Variants in ZNF57 observed in about 807,000 individuals in gnomAD.
ZNF57 encodes zinc finger protein 57, also known as zinc finger protein 424.
ZNF57 carries 11 observed loss-of-function variants against 13.4 expected under a neutral mutation model. The observed-to-expected ratio is 0.82, with a 90% CI of 0.52 to 1.36. The LOEUF (loss-of-function observed/expected upper bound fraction) is 1.36, where lower values mean the gene tolerates loss of function less well. ZNF57 is among the 40% of genes most tolerant of loss of function. The pLI is 0.00. For synonymous variants in ZNF57, 224 were observed against 238.5 expected, an observed-to-expected ratio of 0.94 and a Z score of 0.56; for missense variants, 696 against 667.5, an observed-to-expected ratio of 1.04 and a Z score of -0.47.
At chr19:2,916,415 A>G in intron 3 of ZNF57, 166 bp downstream of exon 3, 2 of 669,484 alleles carry the variant, frequency 3.0e-6, no homozygotes, top group Non-Finnish European at 4.7e-6. Flanking sequence ...CATAATTGTT[A>G]GAAGTAATTA....
At chr19:2,907,489 C>G (rs1293918880) in intron 1 of ZNF57, among the ~76,000 whole-genome samples, 1 of 152,132 alleles carries the variant, frequency 6.6e-6, no homozygotes, top group Non-Finnish European at 1.5e-5. Flanking sequence ...ATTATTTTTC[C>G]CCCATCCTAC....
chr19:2,908,824 C>T (rs894884527), intron 1 of ZNF57, among the ~76,000 whole-genome samples: 3 of 152,096 alleles, frequency 2.0e-5, no homozygotes, highest in African/African-American at 7.2e-5. Context: ...CCCCGGAGCC[C>T]CTCCACCACC....
Position 2,918,314 on chromosome 19 carries a change from G to C in ZNF57, c.*25G>C. The C allele has an allele frequency of 6.4e-7, 1 of 1,550,962 alleles. No homozygotes were observed. The highest frequency in any genetic ancestry group is 8.7e-7 in the Non-Finnish European group (1 of 1,150,658). On this transcript the variant is annotated 3_prime_UTR_variant, in exon 4 of 4. Coordinates refer to ENST00000306908, the MANE Select transcript of ZNF57 (RefSeq NM_173480.3). ...AAGAGAAATTCTATAACTTTAATGG[G>C]GTAACCTCACATTAATTCATGTATA...
rs553122517 is a variant in ZNF57, at chr19:2,910,298, A to C, written c.4-5224A>C. On this transcript the variant is annotated intron_variant, in intron 1 of 3. Transcript: ENST00000306908. ...ACTTGTTAAGGTGTTTTATGTCCCA[A>C]AATACAGTCTAGGTTGAGGAGTGTT... Among the ~76,000 whole-genome samples the C allele has an allele frequency of 4.2e-4, 20 of 47,462 alleles. 9 individuals carry two copies. The South Asian group carries it at 9.5e-3, about 23-fold the overall frequency. 31.1% of individuals were successfully genotyped at this position (47,462 alleles called of 152,430 possible).
At chr19:2,901,365 C>T (rs2088028477) in intron 1 of ZNF57, among the ~76,000 whole-genome samples, 1 of 151,154 alleles carries the variant, frequency 6.6e-6, no homozygotes. Flanking sequence ...CGGCAAGGGA[C>T]GGTCAGCAGG....
At chr19:2,906,647 G>T (rs1056675828) in intron 1 of ZNF57, among the ~76,000 whole-genome samples, 1 of 152,212 alleles carries the variant, frequency 6.6e-6, no homozygotes, top group Admixed American at 6.5e-5. Context: ...GGCTACCAGG[G>T]AGCGTCGTCC....
intron 1 of ZNF57, among the ~76,000 whole-genome samples, 186 bp downstream of exon 1, chr19:2,901,234 G>T (rs2088026918): frequency 6.9e-6 from 1 of 145,766 alleles, no homozygotes; most frequent in Non-Finnish European, 1.5e-5. Context: ...AGTTTGGGGG[G>T]ACGGAAGGGG....
chr19:2,903,247 T>C (rs936690603), intron 1 of ZNF57, among the ~76,000 whole-genome samples: 1 of 152,146 alleles, frequency 6.6e-6, no homozygotes, highest in African/African-American at 2.4e-5. Context: ...GGAGACACTG[T>C]GTCTCCCAGG....
chr19:2,916,441 G>A (rs754906624), intron 3 of ZNF57, 192 bp downstream of exon 3: 38 of 514,218 alleles, frequency 7.4e-5, no homozygotes, highest in Admixed American at 1.9e-4. Context: ...GGCCGGGCGC[G>A]ATGGCTCACG....
intron 1 of ZNF57, among the ~76,000 whole-genome samples, chr19:2,909,311 C>T (rs1389917847): frequency 1.1e-3 from 82 of 77,046 alleles, no homozygotes; most frequent in Non-Finnish European, 1.4e-3. Flanking sequence ...GACAGAGTCT[C>T]GCTCTGTCGC....
At chr19:2,908,408 T>G (rs116611236) in intron 1 of ZNF57, among the ~76,000 whole-genome samples, 332 of 152,098 alleles carry the variant, frequency 2.2e-3, no homozygotes, top group African/African-American at 7.7e-3. Context: ...TACTGACATA[T>G]AGAACGTACA....
At position 2,916,245 on chromosome 19, in the gene ZNF57, C is replaced by A; in HGVS notation, c.298C>A (p.Leu100Met). ...GYGTEDHHKN[L>M]RNHMVDRFCT... ...TGGCACTGAAGACCACCACAAAAAT[C>A]TGAGGTGAGTTGCACTCACAAGAGA... Residue 100 changes from leucine (L) to methionine (M), a missense_variant, in exon 3 of 4, where the codon CTG (leucine) becomes ATG (methionine). Around this residue, in one of 3 missense-constraint regions of ZNF57, gnomAD observed 645 missense variants for 591.5 expected, o/e 1.09. Coordinates refer to ENST00000306908, the MANE Select transcript of ZNF57 (RefSeq NM_173480.3). 1.2e-6 allele frequency: 2 copies of A among 1,604,654 alleles called. No individual in the cohort carries two copies. Among genetic ancestry groups the A allele is most frequent in the Non-Finnish European group, 1.7e-6 (2 of 1,176,218 alleles).
intron 3 of ZNF57, 88 bp downstream of exon 3, chr19:2,916,337 T>TGTTTA: frequency 7.9e-7 from 1 of 1,260,492 alleles, no homozygotes; most frequent in Non-Finnish European, 1.1e-6. Context: ...GCTCCAAATT[T>TGTTTA]GTTTATTCCT....
chr19:2,901,179 G>A (rs2088026244), intron 1 of ZNF57, 131 bp downstream of exon 1: 2 of 1,260,826 alleles, frequency 1.6e-6, no homozygotes, highest in East Asian at 3.1e-5. Flanking sequence ...TAGCACCTGG[G>A]ACCCGGGGAC....
chr19:2,903,096 G>A (rs1177746512), intron 1 of ZNF57, among the ~76,000 whole-genome samples: 1 of 152,234 alleles, frequency 6.6e-6, no homozygotes, highest in Admixed American at 6.5e-5. Flanking sequence ...GCTGATTGAG[G>A]CTGCTGAGCA....
At chr19:2,902,324 G>C (rs1373127215) in intron 1 of ZNF57, among the ~76,000 whole-genome samples, 1 of 152,094 alleles carries the variant, frequency 6.6e-6, no homozygotes, top group Non-Finnish European at 1.5e-5. Context: ...GTACTGTACT[G>C]TTCTCCTGTT....
At chr19:2,912,589 G>T (rs2088149099) in intron 1 of ZNF57, among the ~76,000 whole-genome samples, 1 of 152,194 alleles carries the variant, frequency 6.6e-6, no homozygotes, top group African/African-American at 2.4e-5. Flanking sequence ...TGTGACATCA[G>T]TTCTCTGAAG....
Position 2,917,312 on chromosome 19 carries a change from A to G in ZNF57, c.691A>G (p.Met231Val). Residue 231 changes from methionine (M) to valine (V), a missense_variant, in exon 4 of 4, where the codon ATG becomes GTG. Coordinates refer to ENST00000306908, the MANE Select transcript of ZNF57 (RefSeq NM_173480.3). ...AACCTACAAATGCGAGCAGTGTCGG[A>G]TGGCGTTTAATGGGTTCGCAAGCTT... ...EKTYKCEQCR[M>V]AFNGFASFTR... The G allele has an allele frequency of 6.2e-7, 1 of 1,614,128 alleles. No individual in the cohort carries two copies. The highest frequency in any genetic ancestry group is 8.5e-7 in the Non-Finnish European group (1 of 1,179,968).
chr19:2,911,577 G>T (rs2088137078), intron 1 of ZNF57, among the ~76,000 whole-genome samples: 4 of 151,964 alleles, frequency 2.6e-5, no homozygotes, highest in Admixed American at 2.6e-4. Context: ...GTAAAGACAG[G>T]GTGTCACTAT....
Sources: gnomAD v4.1 joint callset for allele counts (sites outside exome capture counted in the v4.1 genomes callset) on GRCh38, gnomAD v4.1.1 for gene constraint, gnomAD v4.1.1 regional missense constraint, MANE v1.5 for transcripts, NCBI Gene and HGNC (gene_info 2026-07-23, HGNC 2026-07-21) for gene names.